Variants in CASP6 observed in about 807,000 individuals in gnomAD.
CASP6 encodes the protein caspase-6.
Under a neutral mutation model 31.8 loss-of-function variants are expected in CASP6, and 20 were observed. The observed-to-expected ratio is 0.63, with a 90% confidence interval of 0.44 to 0.91. The LOEUF (loss-of-function observed/expected upper bound fraction) is 0.91, where lower values mean the gene tolerates loss of function less well. Ranked by LOEUF, CASP6 falls within the 40% of genes least tolerant of loss-of-function variation. The pLI is 0.00. For synonymous variants in CASP6, 130 were observed against 127.8 expected, an observed-to-expected ratio of 1.02 and a Z score of -0.12; for missense variants, 328 against 361.1, an observed-to-expected ratio of 0.91 and a Z score of 0.74.
intron 5 of CASP6, among the ~76,000 whole-genome samples, chr4:109,693,271 T>C (rs1730132225): frequency 6.6e-6 from 1 of 152,210 alleles, no homozygotes; most frequent in Non-Finnish European, 1.5e-5. Context: ...CCTTATAAAT[T>C]ACCCAGTCTC....
upstream of CASP6, among the ~76,000 whole-genome samples, chr4:109,704,800 G>A (rs1269440659): frequency 6.6e-6 from 1 of 152,178 alleles, no homozygotes; most frequent in Non-Finnish European, 1.5e-5. Flanking sequence ...TGCCTCCTGG[G>A]TTCAAACGAT....
chr4:109,689,690 A>ATGAT, intron 6 of CASP6, 122 bp from the exon 7 acceptor site: 1 of 836,090 alleles, frequency 1.2e-6, no homozygotes, highest in Non-Finnish European at 1.9e-6. Flanking sequence ...AGATGTGTCC[A>ATGAT]TGATATAAAT....
chr4:109,675,148 G>C, the CASP6 span, among the ~76,000 whole-genome samples: 1 of 152,200 alleles, frequency 6.6e-6, no homozygotes, highest in Non-Finnish European at 1.5e-5. Context: ...GCCTTTATTA[G>C]GAAATGCCAC....
the CASP6 span, among the ~76,000 whole-genome samples, chr4:109,675,507 C>G: frequency 6.6e-6 from 1 of 152,226 alleles, no homozygotes; most frequent in East Asian, 1.9e-4. Context: ...TTTAGAATGT[C>G]TGTCTGAGAA....
At chr4:109,680,681 C>T in the CASP6 span, among the ~76,000 whole-genome samples, 1 of 152,180 alleles carries the variant, frequency 6.6e-6, no homozygotes, top group African/African-American at 2.4e-5. Context: ...GTAAAGACCA[C>T]AGCAGTCTTG....
chr4:109,672,836 C>T, the CASP6 span, among the ~76,000 whole-genome samples: 39 of 152,172 alleles, frequency 2.6e-4, no homozygotes, highest in Non-Finnish European at 8.8e-5. Flanking sequence ...CTCCCTCTCC[C>T]CCTTTTTTTG....
At chr4:109,669,071 G>T in the CASP6 span, among the ~76,000 whole-genome samples, 3 of 151,890 alleles carry the variant, frequency 2.0e-5, no homozygotes, top group Non-Finnish European at 2.9e-5. Flanking sequence ...GATCAATTAA[G>T]AATAATAAAA....
chr4:109,691,043 C>A, intron 5 of CASP6, 34 bp from the exon 6 acceptor site: 1 of 1,582,776 alleles, frequency 6.3e-7, no homozygotes, highest in Non-Finnish European at 8.6e-7. Context: ...CACCTCTTTG[C>A]CTACTGTTTC....
Position 109,698,164 on chromosome 4 carries a change from G to A in CASP6, c.83+136C>T, listed in dbSNP as rs5030548. 631 of 847,812 alleles carry A rather than the reference G, an allele frequency of 7.4e-4. 4 individuals carry two copies. The Middle Eastern group carries it at 0.01, about 14-fold the overall frequency. 52.5% of individuals were successfully genotyped at this position (847,812 alleles called of 1,614,324 possible). A position where few individuals can be genotyped will look rare whatever the true frequency, so the allele number is the denominator to read the frequency against. On this transcript the variant is annotated intron_variant, in intron 2 of 6. Coordinates refer to ENST00000265164, the MANE Select transcript of CASP6 (RefSeq NM_001226.4). ...CAGCACAACCTGCCTATCTACAAAT[G>A]AGCTCCCCAAAGGCTAAAACTTGGC...
intron 1 of CASP6, among the ~76,000 whole-genome samples, chr4:109,700,486 A>G (rs1730387265): frequency 6.6e-6 from 1 of 152,182 alleles, no homozygotes; most frequent in Non-Finnish European, 1.5e-5. Flanking sequence ...TGCCCCTGTG[A>G]ATAGTCACCA....
rs377758495 is a variant in CASP6, at chr4:109,702,326, C to CTT, written c.40+1028_40+1029dup. Among the ~76,000 whole-genome samples the CTT allele has an allele frequency of 2.7e-5, 4 of 146,630 alleles. No individual in the cohort carries two copies. The South Asian group carries it at 6.5e-4, about 24-fold the overall frequency. ...TCTAACCAACTGCAGGCGTTTCGTT[C>CTT]TTTTTTTTTTTTTTTCTTCTTGATT... On this transcript the variant is annotated intron_variant, in intron 1 of 6. Transcript: ENST00000265164.
intron 3 of CASP6, 39 bp from the exon 4 acceptor site, chr4:109,696,525 T>C: frequency 7.0e-7 from 1 of 1,419,902 alleles, no homozygotes; most frequent in Non-Finnish European, 9.8e-7. Context: ...CTATAAACTT[T>C]TCAAAGTTGT....
chr4:109,696,448 T>C lies in CASP6; in HGVS notation c.269A>G (p.Asp90Gly), dbSNP rs1305021668. The change falls in exon 4 of 7, where the codon GAT becomes GGT. Residue 90 changes from aspartate to glycine, a missense_variant. Physicochemically the swap from Asp to Gly is moderately conservative, Grantham distance 94. Transcript: ENST00000265164. ...GAGCAGTAGTTCTTCTGCTTTAAGA[T>C]CATTAAAGCATTTCACTTCAAATCC... ...DLGFEVKCFN[D>G]LKAEELLLKI... 6.2e-7 allele frequency: 1 copy of C among 1,612,732 alleles called. No homozygotes were observed. The highest frequency in any genetic ancestry group is 1.3e-5 in the African/African-American group (1 of 74,888).
At chr4:109,689,718 G>A (rs938507932) in intron 6 of CASP6, 150 bp from the exon 7 acceptor site, 59 of 653,518 alleles carry the variant, frequency 9.0e-5, no homozygotes, top group Non-Finnish European at 1.5e-4. Flanking sequence ...AAATTTTTTT[G>A]ACTCTTTTCA....
At chr4:109,674,741 G>A in the CASP6 span, among the ~76,000 whole-genome samples, 2 of 152,206 alleles carry the variant, frequency 1.3e-5, no homozygotes, top group African/African-American at 2.4e-5. Context: ...TTAGTTTTTT[G>A]TAATTGCAAA....
At chr4:109,685,880 TG>T (rs1729827102), downstream of CASP6, among the ~76,000 whole-genome samples, 1 of 152,234 alleles carries the variant, frequency 6.6e-6, no homozygotes. Context: ...ACAGTCTGCT[TG>T]TTAGCCAGTT....
chr4:109,705,924 G>A (rs1730583868), upstream of CASP6, among the ~76,000 whole-genome samples: 1 of 121,310 alleles, frequency 8.2e-6, no homozygotes, highest in African/African-American at 3.2e-5. Context: ...GCTGCAGTCA[G>A]CTGACTGTGC....
At position 109,688,720 on chromosome 4, in the gene CASP6, C is replaced by CA. The variant is rs1729920858; in HGVS notation, c.*609dup. The CA allele has an allele frequency of 6.6e-6, 1 of 152,042 alleles. No homozygotes were observed. The highest frequency in any genetic ancestry group is 1.5e-5 in the Non-Finnish European group (1 of 67,998). 9.4% of individuals were successfully genotyped at this position (152,042 alleles called of 1,614,324 possible). ...ACAATAAACTTTTATAAAAAAGTGA[C>CA]AAAATACAAGTTAAATCAGCTAGAT... On this transcript the variant is annotated 3_prime_UTR_variant, in exon 7 of 7. Coordinates refer to ENST00000265164, the MANE Select transcript of CASP6 (RefSeq NM_001226.4).
intron 5 of CASP6, among the ~76,000 whole-genome samples, 157 bp downstream of exon 5, chr4:109,694,368 T>G (rs1389041765): frequency 6.6e-6 from 1 of 152,190 alleles, no homozygotes; most frequent in Non-Finnish European, 1.5e-5. Context: ...CAAAGAATTA[T>G]TACTAACAGC....
Sources: allele counts gnomAD v4.1 joint callset (sites outside exome capture counted in the v4.1 genomes callset), GRCh38; gene constraint gnomAD v4.1.1; transcripts MANE v1.5; gene names NCBI Gene and HGNC (gene_info 2026-07-23, HGNC 2026-07-21).